The following PEX14 variants were observed in gnomAD, a reference collection of about 807,000 sequenced individuals.
PEX14 encodes peroxisomal biogenesis factor 14, also known as peroxisomal membrane protein PEX14.
Under a neutral mutation model 49.5 loss-of-function variants are expected in PEX14, and 15 were observed. That is an observed-to-expected ratio of 0.30 (90% CI 0.20 to 0.47). The LOEUF is 0.47. Ranked by LOEUF, PEX14 falls within the 20% of genes least tolerant of loss-of-function variation. The pLI is 1.00. For missense variants in PEX14, 398 were observed against 494.8 expected, an observed-to-expected ratio of 0.80 and a Z score of 1.86; for synonymous variants, 210 against 212.7, an observed-to-expected ratio of 0.99 and a Z score of 0.11.
chr1:10,629,552 A>G lies in PEX14; in HGVS notation c.699A>G (p.Pro233=). 3.1e-6 allele frequency: 5 copies of G among 1,613,510 alleles called. No individual in the cohort carries two copies. The highest frequency in any genetic ancestry group is 2.2e-5 in the South Asian group (2 of 91,066). The change falls in exon 9 of 9, where the codon CCA becomes CCG. Residue 233 remains proline (P), a synonymous_variant. Transcript: ENST00000356607. The surrounding 1 kb of genome is among the most constrained non-coding windows in gnomAD (Gnocchi z 8.5). ...LLNRRQFPPS[P]SAPKIPSWQI... ...CTAGGAGGCAGTTCCCTCCATCCCC[A>G]TCAGCCCCGAAGATCCCCTCCTGGC...
At position 10,511,756 on chromosome 1, in the gene PEX14, C is replaced by T. The variant is rs926045891; in HGVS notation, c.84+16435C>T. Among the ~76,000 whole-genome samples the T allele has an allele frequency of 2.0e-5, 3 of 152,120 alleles. No individual in the cohort carries two copies. In the South Asian group the frequency reaches 6.2e-4, roughly 32 times the overall value. Reference sequence around the variant, plus strand: ...CTTCTGTGGCCTGTGAGATCTCTGACCTCTGTGGCCCGTGGGACCTCTGAC... The same window carrying T: ...CTTCTGTGGCCTGTGAGATCTCTGATCTCTGTGGCCCGTGGGACCTCTGAC... On this transcript the variant is annotated intron_variant, in intron 2 of 8. Coordinates refer to ENST00000356607, the MANE Select transcript of PEX14 (RefSeq NM_004565.3).
intron 4 of PEX14, 132 bp downstream of exon 4, chr1:10,599,498 T>C: frequency 1.9e-6 from 2 of 1,051,448 alleles, no homozygotes; most frequent in Non-Finnish European, 2.9e-6. Context: ...CTTGGGTTTT[T>C]CCCAAGGAAT....
At chr1:10,577,660 C>T (rs563524297) in intron 3 of PEX14, among the ~76,000 whole-genome samples, 74 of 125,924 alleles carry the variant, frequency 5.9e-4, no homozygotes, top group Non-Finnish European at 8.4e-4. Context: ...GGCGCAATCT[C>T]GGCTCACTGC....
rs186943056 is a variant in PEX14, at chr1:10,498,607, G to A, written c.84+3286G>A. Reference sequence around the variant, plus strand: ...GGCTGCGTGTTTCCTTTTCTTGCCCGTTCAATCCTGCCTCGATCCTGGCCT... The same window carrying A: ...GGCTGCGTGTTTCCTTTTCTTGCCCATTCAATCCTGCCTCGATCCTGGCCT... On this transcript the variant is annotated intron_variant, in intron 2 of 8. Coordinates refer to ENST00000356607, the MANE Select transcript of PEX14 (RefSeq NM_004565.3). 2.7e-3 allele frequency among the ~76,000 whole-genome samples: 418 copies of A among 152,216 alleles called. 1 individual carries two copies. Among genetic ancestry groups the A allele is most frequent in the African/African-American group, 9.6e-3 (398 of 41,526 alleles).
chr1:10,495,045 T>C lies in PEX14; in HGVS notation c.37-229T>C. 1 of 942,496 alleles carries C rather than the reference T, an allele frequency of 1.1e-6. No individual in the cohort carries two copies. Among genetic ancestry groups the C allele is most frequent in the Non-Finnish European group, 1.3e-6 (1 of 790,816 alleles). 58.4% of individuals were successfully genotyped at this position (942,496 alleles called of 1,614,324 possible). A position where few individuals can be genotyped will look rare whatever the true frequency, so the allele number is the denominator to read the frequency against. On this transcript the variant is annotated intron_variant, in intron 1 of 8. Transcript: ENST00000356607. The surrounding 1 kb of genome is among the most constrained non-coding windows in gnomAD (Gnocchi z 4.2). Reference sequence around the variant, plus strand: ...GAACCAAGCCTTGTTCTTGGAGTGGTGTGACAAGTGAACCCAGAAACAGTC... The same window carrying C: ...GAACCAAGCCTTGTTCTTGGAGTGGCGTGACAAGTGAACCCAGAAACAGTC...
intron 2 of PEX14, among the ~76,000 whole-genome samples, chr1:10,507,789 T>C (rs1283957043): frequency 1.3e-5 from 2 of 152,224 alleles, no homozygotes; most frequent in Non-Finnish European, 2.9e-5. Flanking sequence ...ATTTCTACTT[T>C]CTCTGCCCCC....
intron 2 of PEX14, among the ~76,000 whole-genome samples, chr1:10,507,688 T>A (rs539464331): frequency 6.6e-6 from 1 of 152,240 alleles, no homozygotes; most frequent in Non-Finnish European, 1.5e-5. Flanking sequence ...CAATTTGCTC[T>A]GGACTCCAGC....
chr1:10,562,136 C>G (rs1199539726), intron 3 of PEX14, among the ~76,000 whole-genome samples: 1 of 152,170 alleles, frequency 6.6e-6, no homozygotes, highest in Admixed American at 6.5e-5. Flanking sequence ...ATCCCTTCAT[C>G]TCCCCTGCGC....
intron 4 of PEX14, among the ~76,000 whole-genome samples, chr1:10,608,298 G>A (rs1641179386): frequency 6.6e-6 from 1 of 152,166 alleles, no homozygotes; most frequent in Non-Finnish European, 1.5e-5. Flanking sequence ...TCCCCATAAG[G>A]ATATCCAGTT....
At chr1:10,615,659 C>T (rs143803125) in intron 4 of PEX14, among the ~76,000 whole-genome samples, 18 of 152,314 alleles carry the variant, frequency 1.2e-4, no homozygotes, top group African/African-American at 4.1e-4. Context: ...TCACAGGGTG[C>T]GTGTCCCCAT....
rs545329608 is a variant in PEX14 at position 10,523,424 on chromosome 1, C to T, written c.85-12789C>T. On this transcript the variant is annotated intron_variant, in intron 2 of 8. Coordinates refer to ENST00000356607, the MANE Select transcript of PEX14 (RefSeq NM_004565.3). The stretch of plus-strand genomic sequence containing the variant: ...CTTGGAGAGATGAAATCTGGAAAGA[C>T]TGGGTCTTGTCCTTGACCTAAGCCC... Among the ~76,000 whole-genome samples, 4 of 152,152 alleles carry T rather than the reference C, an allele frequency of 2.6e-5. No individual in the cohort carries two copies. In the East Asian group the frequency reaches 7.7e-4, roughly 29 times the overall value.
Position 10,629,597 on chromosome 1 carries a change from G to A in PEX14, c.744G>A (p.Pro248=), listed in dbSNP as rs145103775. The part of the protein sequence containing the change: ...IPSWQIPVKS[P]SPSSPAAVNH... The stretch of plus-strand genomic sequence containing the variant: ...CCTGGCAGATCCCAGTCAAGTCACC[G>A]TCACCCTCCAGCCCTGCGGCCGTGA... Residue 248 remains proline, a synonymous_variant, in exon 9 of 9, where the codon CCG becomes CCA. Coordinates refer to ENST00000356607, the MANE Select transcript of PEX14 (RefSeq NM_004565.3). The surrounding 1 kb of genome is among the most constrained non-coding windows in gnomAD (Gnocchi z 8.5). 2.3e-5 allele frequency: 37 copies of A among 1,613,862 alleles called. No homozygotes were observed. Among genetic ancestry groups the A allele is most frequent in the African/African-American group, 4.0e-5 (3 of 74,896 alleles).
chr1:10,541,926 C>T (rs1192114418), intron 3 of PEX14, among the ~76,000 whole-genome samples: 2 of 152,152 alleles, frequency 1.3e-5, no homozygotes, highest in Non-Finnish European at 2.9e-5. Flanking sequence ...GGAAATAGTG[C>T]AGAGGAGTTT....
intron 2 of PEX14, chr1:10,535,984 G>C: frequency 3.9e-6 from 2 of 514,306 alleles, no homozygotes; most frequent in South Asian, 2.0e-5. Context: ...CCTGAAGCTC[G>C]GCAGAGGGAT....
At chr1:10,498,826 T>C (rs954528876) in intron 2 of PEX14, among the ~76,000 whole-genome samples, 3 of 152,228 alleles carry the variant, frequency 2.0e-5, no homozygotes, top group African/African-American at 7.2e-5. Context: ...TTATACTCTC[T>C]TCACTGAGCT....
chr1:10,500,651 T>A (rs1368273311), intron 2 of PEX14, among the ~76,000 whole-genome samples: 1 of 152,168 alleles, frequency 6.6e-6, no homozygotes, highest in Non-Finnish European at 1.5e-5. Context: ...CTCCGCTCAC[T>A]GCAACCTCTG....
intron 3 of PEX14, among the ~76,000 whole-genome samples, chr1:10,556,014 C>A (rs1238924655): frequency 6.7e-6 from 1 of 148,418 alleles, no homozygotes; most frequent in African/African-American, 2.5e-5. Flanking sequence ...GGTGGGCTGG[C>A]ACTGCGGAGC....
intron 1 of PEX14, among the ~76,000 whole-genome samples, chr1:10,486,665 G>A (rs1641373619): frequency 6.6e-6 from 1 of 151,122 alleles, no homozygotes; most frequent in South Asian, 2.1e-4. Context: ...ACTACAGGCT[G>A]GCTGAAAGAT....
intron 3 of PEX14, among the ~76,000 whole-genome samples, chr1:10,544,691 TC>T (rs71583877): frequency 1.3e-5 from 2 of 151,776 alleles, no homozygotes; most frequent in Admixed American, 6.6e-5. Context: ...CCTCCTGTGG[TC>T]CCCCCAACCC....
Sources: allele counts gnomAD v4.1 joint callset (sites outside exome capture counted in the v4.1 genomes callset), GRCh38; gene constraint gnomAD v4.1.1; non-coding constraint Gnocchi (gnomAD v3.1); transcripts MANE v1.5; gene names NCBI Gene and HGNC (gene_info 2026-07-23, HGNC 2026-07-21).